The following PRKG1 variants were observed in gnomAD, a reference collection of about 807,000 sequenced individuals.
PRKG1 encodes protein kinase cGMP-dependent 1, also known as cGMP-dependent protein kinase 1.
In PRKG1, 35 loss-of-function variants were observed where a neutral mutation model predicts 88.1. The ratio of observed to expected loss-of-function variants is 0.40; its 90% confidence interval spans 0.30 to 0.53. The LOEUF (loss-of-function observed/expected upper bound fraction) is 0.53, where lower values mean the gene tolerates loss of function less well. PRKG1 is among the 20% of genes least tolerant of loss of function. PRKG1 has a pLI of 0.59. For missense variants in PRKG1, 540 were observed against 839.8 expected, an observed-to-expected ratio of 0.64 and a Z score of 4.41; for synonymous variants, 303 against 292.5, an observed-to-expected ratio of 1.04 and a Z score of -0.37.
At chr10:51,944,275 G>A (rs970532711) in intron 5 of PRKG1, among the ~76,000 whole-genome samples, 3 of 152,020 alleles carry the variant, frequency 2.0e-5, no homozygotes, top group Non-Finnish European at 2.9e-5. Flanking sequence ...ATGGCAGTTC[G>A]TATTTCTGCG....
chr10:51,305,299 T>C (rs1841007955), intron 2 of PRKG1, among the ~76,000 whole-genome samples: 1 of 152,190 alleles, frequency 6.6e-6, no homozygotes, highest in East Asian at 1.9e-4. Context: ...CCTTTAAGGA[T>C]AGGCCTCCTA....
chr10:51,875,237 T>G (rs931016083), intron 4 of PRKG1, among the ~76,000 whole-genome samples: 2 of 151,958 alleles, frequency 1.3e-5, no homozygotes, highest in African/African-American at 4.8e-5. Flanking sequence ...AACTGCTTCA[T>G]AGTGGACAAA....
At chr10:52,267,034 G>A (rs1294050021) in intron 10 of PRKG1, among the ~76,000 whole-genome samples, 2 of 124,288 alleles carry the variant, frequency 1.6e-5, no homozygotes, top group Non-Finnish European at 3.5e-5. Flanking sequence ...TAACCAACTT[G>A]CTAAAAAATC....
At chr10:51,468,948 C>T (rs764879618) in intron 3 of PRKG1, among the ~76,000 whole-genome samples, 4 of 151,778 alleles carry the variant, frequency 2.6e-5, no homozygotes, top group Non-Finnish European at 5.9e-5. Context: ...ATTGGATTCA[C>T]TGTAACACCA....
intron 2 of PRKG1, among the ~76,000 whole-genome samples, chr10:51,252,330 C>G (rs1192779779): frequency 2.0e-5 from 3 of 151,708 alleles, no homozygotes; most frequent in Non-Finnish European, 4.4e-5. Flanking sequence ...TACATACCAA[C>G]ACAGAGATAA....
At chr10:51,267,046 A>C (rs1372744855) in intron 2 of PRKG1, among the ~76,000 whole-genome samples, 1 of 152,062 alleles carries the variant, frequency 6.6e-6, no homozygotes, top group Non-Finnish European at 1.5e-5. Flanking sequence ...CTCGTCACCA[A>C]CTCCACTAAC....
intron 3 of PRKG1, among the ~76,000 whole-genome samples, chr10:51,682,528 T>G (rs556670560): frequency 3.9e-5 from 6 of 152,356 alleles, no homozygotes; most frequent in Middle Eastern, 3.4e-3. Context: ...TCATGTTTCA[T>G]GTGGCTCCTA....
intron 1 of PRKG1, among the ~76,000 whole-genome samples, chr10:51,075,756 CTG>C (rs1426332778): frequency 6.6e-6 from 1 of 152,128 alleles, no homozygotes. Flanking sequence ...TTTTAGGGAA[CTG>C]TGCAATTCTG....
chr10:51,849,044 A>G (rs551779429), intron 4 of PRKG1, among the ~76,000 whole-genome samples: 18 of 152,272 alleles, frequency 1.2e-4, no homozygotes, highest in Admixed American at 4.6e-4. Context: ...GCACTAAGCA[A>G]CTTTGTCCTC....
intron 3 of PRKG1, among the ~76,000 whole-genome samples, chr10:51,776,352 C>CA (rs1178179190): frequency 2.6e-5 from 4 of 151,826 alleles, no homozygotes; most frequent in Non-Finnish European, 5.9e-5. Context: ...ATGTCTGTAC[C>CA]AAAAAATCTA....
chr10:52,173,087 T>G (rs1838754598), intron 9 of PRKG1, among the ~76,000 whole-genome samples: 1 of 152,248 alleles, frequency 6.6e-6, no homozygotes, highest in South Asian at 2.1e-4. Context: ...AAATTTATAA[T>G]GAGGATATCT....
intron 7 of PRKG1, among the ~76,000 whole-genome samples, chr10:52,087,560 G>C (rs1029209883): frequency 9.9e-5 from 15 of 152,130 alleles, no homozygotes; most frequent in South Asian, 4.2e-4. Flanking sequence ...TAGATTTAAA[G>C]TCATAGTCAG....
chr10:51,312,091 C>T (rs961550801), intron 2 of PRKG1, among the ~76,000 whole-genome samples: 1 of 152,052 alleles, frequency 6.6e-6, no homozygotes, highest in Admixed American at 6.6e-5. Flanking sequence ...AGGTTGGTCT[C>T]GAACTCCTGA....
intron 9 of PRKG1, among the ~76,000 whole-genome samples, chr10:52,186,720 AT>A (rs757746390): frequency 5.3e-5 from 8 of 152,134 alleles, no homozygotes; most frequent in Non-Finnish European, 1.2e-4. Flanking sequence ...ACATCACTAA[AT>A]ACATGTGGAG....
rs1564476091 is a variant in PRKG1 at position 51,396,944 on chromosome 10, A to G, written c.479-70779A>G. ...TTAATGCAATATTTTAAAAATCACT[A>G]CAAAATAAGTCCATGAAAAGAAAAT... On this transcript the variant is annotated intron_variant, in intron 2 of 17. Coordinates refer to ENST00000373980, the MANE Select transcript of PRKG1 (RefSeq NM_006258.4). Among the ~76,000 whole-genome samples the G allele has an allele frequency of 1.3e-5, 2 of 152,144 alleles. 1 individual carries two copies. The highest frequency in any genetic ancestry group is 2.9e-5 in the Non-Finnish European group (2 of 68,022).
At chr10:51,671,868 T>C (rs1840589566) in intron 3 of PRKG1, among the ~76,000 whole-genome samples, 1 of 152,132 alleles carries the variant, frequency 6.6e-6, no homozygotes, top group Non-Finnish European at 1.5e-5. Context: ...TTTATAAGAA[T>C]ACTGGTGATA....
chr10:51,824,874 C>A (rs910436722), intron 4 of PRKG1, among the ~76,000 whole-genome samples: 5 of 152,168 alleles, frequency 3.3e-5, no homozygotes, highest in African/African-American at 1.2e-4. Flanking sequence ...CACCTCCCAT[C>A]AGGCCCCACC....
intron 4 of PRKG1, among the ~76,000 whole-genome samples, chr10:51,816,537 ATGTG>A (rs35430934): frequency 1.5e-4 from 22 of 145,936 alleles, no homozygotes; most frequent in African/African-American, 5.0e-4. Context: ...TAATTTTGGC[ATGTG>A]TGTGTGTGTG....
intron 5 of PRKG1, among the ~76,000 whole-genome samples, chr10:52,031,298 A>G (rs1845468667): frequency 6.6e-6 from 1 of 152,198 alleles, no homozygotes; most frequent in South Asian, 2.1e-4. Context: ...TCAAGCTTTC[A>G]GGGAATAATA....
Sources: gnomAD v4.1 joint callset for allele counts (sites outside exome capture counted in the v4.1 genomes callset) on GRCh38, gnomAD v4.1.1 for gene constraint, MANE v1.5 for transcripts, NCBI Gene and HGNC (gene_info 2026-07-23, HGNC 2026-07-21) for gene names.